The following GPRC5D variants were observed in gnomAD, a reference collection of about 807,000 sequenced individuals.
GPRC5D encodes G protein-coupled receptor family C group 5 member D.
A neutral mutation model predicts 29.3 loss-of-function variants in GPRC5D; 20 were observed. That is an observed-to-expected ratio of 0.68 (90% CI 0.48 to 0.99). The LOEUF (loss-of-function observed/expected upper bound fraction) is 0.99, where lower values mean the gene tolerates loss of function less well. Ranked by LOEUF, GPRC5D falls within the 50% of genes least tolerant of loss-of-function variation. The pLI is 0.00. For synonymous variants in GPRC5D, 178 were observed against 171.3 expected (o/e 1.04, Z -0.30); for missense variants, 384 against 423.6 (o/e 0.91, Z 0.82).
intron 1 of GPRC5D, among the ~76,000 whole-genome samples, chr12:12,942,731 T>C (rs1863185714): frequency 6.6e-6 from 1 of 151,832 alleles, no homozygotes. Flanking sequence ...CGAGACTAAA[T>C]AAATAAATAA....
intron 1 of GPRC5D, among the ~76,000 whole-genome samples, chr12:12,948,850 C>T (rs936050021): frequency 2.0e-5 from 3 of 152,182 alleles, no homozygotes; most frequent in African/African-American, 7.2e-5. Context: ...CTTTCTTTCT[C>T]CTAATGATCA....
chr12:12,950,174 G>A, exon 1 of GPRC5D: 2 of 1,614,020 alleles, frequency 1.2e-6, no homozygotes, highest in Non-Finnish European at 1.7e-6. Context: ...AAGAGCCCCA[G>A]GACACTCAGG....
chr12:12,950,286 G>A (rs1392131525), exon 1 of GPRC5D: 1 of 1,613,400 alleles, frequency 6.2e-7, no homozygotes, highest in South Asian at 1.1e-5. Context: ...TGACCACGAT[G>A]CCAAGTATGG....
chr12:12,946,354 TTTCTTTCTTTCTTTTC>T, intron 1 of GPRC5D, among the ~76,000 whole-genome samples: 1 of 149,644 alleles, frequency 6.7e-6, no homozygotes, highest in Non-Finnish European at 1.5e-5. Flanking sequence ...TCTTTCTTTC[TTTCTTTCTTTCTTTTC>T]TTTCTTTCTT....
Position 12,949,573 on chromosome 12 carries a change from T to C in GPRC5D, c.812A>G (p.Gln271Arg). Reference sequence around the variant, plus strand: ...GGCATTGCCTTGTAAAGGGCACTCCTGTCTACACGATCTGTAGAGAATGCA... The same window carrying C: ...GGCATTGCCTTGTAAAGGGCACTCCCGTCTACACGATCTGTAGAGAATGCA... The change falls in exon 1 of 3, where the codon CAG becomes CGG. Residue 271 changes from glutamine (Q) to arginine (R), a missense_variant. Physicochemically the swap from Gln to Arg is conservative, Grantham distance 43. Transcript: ENST00000228887. 3.1e-6 allele frequency: 5 copies of C among 1,614,184 alleles called. No individual in the cohort carries two copies. The Middle Eastern group carries it at 8.2e-4, about 266-fold the overall frequency.
chr12:12,945,463 A>G (rs867265303), intron 1 of GPRC5D, among the ~76,000 whole-genome samples: 5 of 152,202 alleles, frequency 3.3e-5, no homozygotes, highest in Admixed American at 1.3e-4. Context: ...TCTTTATATC[A>G]CATTTAAGAT....
exon 1 of GPRC5D, chr12:12,949,885 T>A (rs138805879): frequency 6.2e-7 from 1 of 1,614,058 alleles, no homozygotes; most frequent in African/African-American, 1.3e-5. Context: ...AAAGTCCACA[T>A]TGAGCTGGCA....
At chr12:12,947,563 T>C (rs556187547) in intron 1 of GPRC5D, among the ~76,000 whole-genome samples, 9 of 138,470 alleles carry the variant, frequency 6.5e-5, no homozygotes, top group African/African-American at 2.1e-4. Flanking sequence ...CTCCCTCCCT[T>C]CTTTCTTTTA....
At chr12:12,941,109 C>T (rs1409847820) in intron 2 of GPRC5D, among the ~76,000 whole-genome samples, 3 of 152,112 alleles carry the variant, frequency 2.0e-5, no homozygotes, top group African/African-American at 7.2e-5. Flanking sequence ...TGGGGTTTCA[C>T]CATTTTGGCC....
intron 1 of GPRC5D, chr12:12,948,726 A>G (rs1357998029): frequency 6.6e-6 from 1 of 152,236 alleles, no homozygotes; most frequent in Non-Finnish European, 1.5e-5. Flanking sequence ...GTTGGGGTCC[A>G]AGCATCCTTG....
chr12:12,946,440 C>T (rs11613472), intron 1 of GPRC5D, among the ~76,000 whole-genome samples: 1 of 10,344 alleles, frequency 9.7e-5, no homozygotes, highest in Non-Finnish European at 1.6e-3. Flanking sequence ...CTCTCTTTCT[C>T]TCTCTCTCTC....
exon 1 of GPRC5D, chr12:12,949,834 G>A (rs957232661): frequency 6.2e-7 from 1 of 1,614,130 alleles, no homozygotes; most frequent in East Asian, 2.2e-5. Context: ...GACGAAGAAT[G>A]TGAGGGCCAT....
intron 1 of GPRC5D, chr12:12,948,098 T>C (rs1490332508): frequency 6.6e-6 from 1 of 152,226 alleles, no homozygotes; most frequent in African/African-American, 2.4e-5. Flanking sequence ...GGGTAAGGAA[T>C]ATTGATCATT....
upstream of GPRC5D, chr12:12,950,386 G>A (rs2136506370): frequency 6.3e-7 from 1 of 1,593,664 alleles, no homozygotes; most frequent in South Asian, 1.1e-5. Flanking sequence ...CTTGTACATG[G>A]TGACTTATGG....
intron 2 of GPRC5D, 63 bp downstream of exon 3, chr12:12,942,194 TGAGG>T: frequency 1.0e-6 from 1 of 1,002,386 alleles, no homozygotes; most frequent in Non-Finnish European, 1.6e-6. Context: ...AAATGAAGCC[TGAGG>T]CTGTCCTAAG....
chr12:12,950,332 G>T (rs3741822), exon 1 of GPRC5D: 110,856 of 1,612,074 alleles, frequency 0.069, 4,190 homozygotes, highest in East Asian at 0.12. Context: ...TGGCCCCTCG[G>T]CGTCACAGAG....
chr12:12,951,575 G>A (rs959715255), upstream of GPRC5D, among the ~76,000 whole-genome samples: 2 of 152,182 alleles, frequency 1.3e-5, no homozygotes, highest in Non-Finnish European at 2.9e-5. Flanking sequence ...GTCCATTTGT[G>A]TATGCTAATT....
rs560371839 is a variant in GPRC5D, at chr12:12,947,202, A to G, written c.895+2288T>C. On this transcript the variant is annotated intron_variant, in intron 1 of 2. Coordinates refer to ENST00000228887, the Ensembl canonical transcript of GPRC5D. ...ACCACACATCTGTTTATACAGTACC[A>G]TGATTGTTTCTTGAGCAAACAAAAG... The G allele has an allele frequency of 2.0e-5, 3 of 152,346 alleles. No homozygotes were observed. The East Asian group carries it at 5.8e-4, about 29-fold the overall frequency. The allele number at this position is 152,346 out of a possible 1,614,324, so 9.4% of individuals were successfully genotyped here.
chr12:12,945,096 C>T (rs947787034), intron 1 of GPRC5D, among the ~76,000 whole-genome samples: 42 of 151,348 alleles, frequency 2.8e-4, no homozygotes, highest in East Asian at 1.9e-4. Context: ...CACCACCTCC[C>T]GGGTTCAAGT....
Sources: gnomAD v4.1 joint callset for allele counts (sites outside exome capture counted in the v4.1 genomes callset) on GRCh38, gnomAD v4.1.1 for gene constraint, MANE v1.5 for transcripts, NCBI Gene and HGNC (gene_info 2026-07-23, HGNC 2026-07-21) for gene names.